The following GPR89A variants were observed in gnomAD, a reference collection of about 807,000 sequenced individuals.
GPR89A encodes golgi pH regulator A.
In GPR89A, 16 loss-of-function variants were observed where a neutral mutation model predicts 52.0. That is an observed-to-expected ratio of 0.31 (90% CI 0.21 to 0.47). GPR89A has a LOEUF of 0.47. Ranked by LOEUF, GPR89A falls within the 20% of genes least tolerant of loss-of-function variation. GPR89A has a pLI of 1.00. For missense variants in GPR89A, 135 were observed against 449.4 expected (o/e 0.30, Z 6.33); for synonymous variants, 55 against 150.9 (o/e 0.36, Z 4.66).
At chr1:145,645,215 T>G (rs1650899456) in intron 8 of GPR89A, 1 of 206,570 alleles carries the variant, frequency 4.8e-6, no homozygotes, top group Non-Finnish European at 9.9e-6. Context: ...GAGACAGACA[T>G]GTAACTAGTT....
intron 5 of GPR89A, among the ~76,000 whole-genome samples, chr1:145,627,760 G>A (rs1349798102): frequency 2.7e-5 from 4 of 150,632 alleles, no homozygotes; most frequent in African/African-American, 4.9e-5. Flanking sequence ...GAAAAATGCC[G>A]ATAATGTAGT....
chr1:145,664,308 G>A (rs1652408255), intron 11 of GPR89A, among the ~76,000 whole-genome samples: 1 of 151,984 alleles, frequency 6.6e-6, no homozygotes. Flanking sequence ...CTCTTTGAGT[G>A]TGAAGGAACA....
intron 7 of GPR89A, among the ~76,000 whole-genome samples, chr1:145,635,201 T>A (rs1344519710): frequency 6.6e-6 from 1 of 152,036 alleles, no homozygotes; most frequent in Non-Finnish European, 1.5e-5. Flanking sequence ...GGTCAGGAGA[T>A]CAAGACCATC....
At chr1:145,646,552 C>G in intron 9 of GPR89A, 1 of 439,816 alleles carries the variant, frequency 2.3e-6, no homozygotes, top group South Asian at 3.0e-5. Flanking sequence ...CTCCTACTAA[C>G]CTGGGATAAA....
chr1:145,636,861 AC>A (rs1255811785), intron 7 of GPR89A, among the ~76,000 whole-genome samples: 3 of 151,632 alleles, frequency 2.0e-5, no homozygotes, highest in Admixed American at 6.6e-5. Flanking sequence ...CTTAGCCACC[AC>A]CCCCCCTGCC....
At chr1:145,658,136 A>T (rs1340289380) in intron 10 of GPR89A, among the ~76,000 whole-genome samples, 1 of 151,668 alleles carries the variant, frequency 6.6e-6, no homozygotes, top group East Asian at 1.9e-4. Context: ...TTGTTTTATG[A>T]TTGGCTTCTC....
intron 10 of GPR89A, among the ~76,000 whole-genome samples, chr1:145,658,653 G>T (rs1651979803): frequency 6.7e-6 from 1 of 149,770 alleles, no homozygotes; most frequent in Non-Finnish European, 1.5e-5. Flanking sequence ...TTCTATGGCT[G>T]AATAATATCT....
intron 10 of GPR89A, among the ~76,000 whole-genome samples, chr1:145,651,167 G>C (rs1553693479): frequency 6.6e-6 from 1 of 151,190 alleles, no homozygotes; most frequent in Non-Finnish European, 1.5e-5. Flanking sequence ...GTTAATTTTT[G>C]TATAAGGTGT....
chr1:145,657,548 A>G (rs1553694737), intron 10 of GPR89A, among the ~76,000 whole-genome samples: 3 of 152,178 alleles, frequency 2.0e-5, no homozygotes, highest in South Asian at 2.1e-4. Context: ...GTGGAAAAGT[A>G]TGTGTGGAGA....
At chr1:145,620,131 T>C (rs1649038316) in intron 3 of GPR89A, among the ~76,000 whole-genome samples, 1 of 152,172 alleles carries the variant, frequency 6.6e-6, no homozygotes, top group Non-Finnish European at 1.5e-5. Context: ...TAAATTTTAT[T>C]ATCACAACCT....
At position 145,646,546 on chromosome 1, in the gene GPR89A, T is replaced by A. The variant is rs1440996659; in HGVS notation, c.816+274T>A. 12 of 448,486 alleles carry A rather than the reference T, an allele frequency of 2.7e-5. No homozygotes were observed. The Admixed American group carries it at 2.7e-4, about 10-fold the overall frequency. The allele number at this position is 448,486 out of a possible 1,614,324, so 27.8% of individuals were successfully genotyped here. A position where few individuals can be genotyped will look rare whatever the true frequency, so the allele number is the denominator to read the frequency against. On this transcript the variant is annotated intron_variant, in intron 9 of 13. Transcript: ENST00000313835. Reference sequence around the variant, plus strand: ...TAGGAAGGTGGCACGTACCACCTCCTACTAACCTGGGATAAAGATGGTAGC... The same window carrying A: ...TAGGAAGGTGGCACGTACCACCTCCAACTAACCTGGGATAAAGATGGTAGC...
At chr1:145,647,879 CTATATATATATATA>C (rs782172827) in intron 10 of GPR89A, among the ~76,000 whole-genome samples, 19 of 24,664 alleles carry the variant, frequency 7.7e-4, no homozygotes, top group Non-Finnish European at 7.2e-4. Flanking sequence ...CTCTCTCTCT[CTATATATATATATA>C]TATATATATA....
Position 145,661,446 on chromosome 1 carries a change from T to TA in GPR89A, c.910-1880dup, listed in dbSNP as rs1488240287. Among the ~76,000 whole-genome samples the TA allele has an allele frequency of 2.6e-5, 4 of 151,022 alleles. No homozygotes were observed. The East Asian group carries it at 7.8e-4, about 29-fold the overall frequency. ...CAGTGTGCACATGTACCCTAAAACT[T>TA]AAAGTATAATAATAATAAAATAAAA... On this transcript the variant is annotated intron_variant, in intron 10 of 13. Transcript: ENST00000313835.
At chr1:145,650,615 G>A (rs1485611446) in intron 10 of GPR89A, among the ~76,000 whole-genome samples, 4 of 151,088 alleles carry the variant, frequency 2.6e-5, no homozygotes, top group East Asian at 3.9e-4. Context: ...GTGTAAAAGC[G>A]TTCCTATTTC....
intron 7 of GPR89A, among the ~76,000 whole-genome samples, chr1:145,641,800 G>T (rs1236626695): frequency 6.6e-6 from 1 of 151,076 alleles, no homozygotes; most frequent in African/African-American, 2.4e-5. Context: ...TAGTGATGAT[G>T]ATAGTAAAGA....
intron 3 of GPR89A, among the ~76,000 whole-genome samples, chr1:145,619,580 C>A (rs1648971398): frequency 6.6e-6 from 1 of 151,956 alleles, no homozygotes; most frequent in Non-Finnish European, 1.5e-5. Flanking sequence ...CTGGACAAGA[C>A]AATGAGACCC....
chr1:145,612,532 T>A (rs1648371931), intron 1 of GPR89A, among the ~76,000 whole-genome samples: 1 of 152,210 alleles, frequency 6.6e-6, no homozygotes. Flanking sequence ...TTCTGACACT[T>A]ACTATAAATT....
intron 1 of GPR89A, 77 bp downstream of exon 1, chr1:145,608,252 G>C: frequency 6.3e-7 from 1 of 1,586,082 alleles, no homozygotes; most frequent in South Asian, 1.1e-5. Context: ...CCGCGGTGCG[G>C]GCTGGTCCGG....
At chr1:145,649,410 T>C (rs1226575910) in intron 10 of GPR89A, among the ~76,000 whole-genome samples, 2 of 151,920 alleles carry the variant, frequency 1.3e-5, no homozygotes, top group Non-Finnish European at 2.9e-5. Flanking sequence ...TGTATCCTTT[T>C]TCTGTCTGGC....
Sources: gnomAD v4.1 joint callset for allele counts (sites outside exome capture counted in the v4.1 genomes callset) on GRCh38, gnomAD v4.1.1 for gene constraint, MANE v1.5 for transcripts, NCBI Gene and HGNC (gene_info 2026-07-23, HGNC 2026-07-21) for gene names.